Variants in GREB1 observed in about 807,000 individuals in gnomAD.
GREB1 encodes the protein growth regulating estrogen receptor binding 1, also known as protein GREB1.
Under a neutral mutation model 200.7 loss-of-function variants are expected in GREB1, and 106 were observed. The observed-to-expected ratio is 0.53, with a 90% confidence interval of 0.45 to 0.62. GREB1 has a LOEUF of 0.62. Among genes scored for constraint, GREB1 ranks in the 20% least tolerant of loss-of-function variants. GREB1 has a pLI of 0.00. For missense variants in GREB1, 2,243 were observed against 2,556.8 expected, an observed-to-expected ratio of 0.88 and a Z score of 2.65; for synonymous variants, 1,132 against 1,092.4, an observed-to-expected ratio of 1.04 and a Z score of -0.72.
chr2:11,553,892 T>C (rs6432213), intron 1 of GREB1, among the ~76,000 whole-genome samples: 37,875 of 151,980 alleles, frequency 0.25, 8,124 homozygotes, highest in African/African-American at 0.59. Flanking sequence ...TCAGAGGACA[T>C]GATTCTTCAG....
chr2:11,501,201 T>C (rs549525307), intron 1 of GREB1, among the ~76,000 whole-genome samples: 1 of 152,262 alleles, frequency 6.6e-6, no homozygotes, highest in Non-Finnish European at 1.5e-5. Flanking sequence ...TTTAATCAGC[T>C]GTGTTCCCTA....
chr2:11,538,650 T>C (rs1373763353), intron 1 of GREB1, among the ~76,000 whole-genome samples: 14 of 23,620 alleles, frequency 5.9e-4, no homozygotes, highest in East Asian at 2.3e-3. Flanking sequence ...TCTTTCTTTC[T>C]TTCTTTCTTT....
rs750310417 is a variant in GREB1, at chr2:11,621,002, A to G, written c.4142A>G (p.Asn1381Ser). 2.5e-6 allele frequency: 4 copies of G among 1,582,332 alleles called. No homozygotes were observed. The highest frequency in any genetic ancestry group is 3.5e-6 in the Non-Finnish European group (4 of 1,150,938). ...EVDVYDEEEI[N>S]INLREESDWH... Reference sequence around the variant, plus strand: ...GATGTCTATGACGAGGAGGAGATCAATATCAGTGAGTTATCTGTTTGGGGT... The same window carrying G: ...GATGTCTATGACGAGGAGGAGATCAGTATCAGTGAGTTATCTGTTTGGGGT... Residue 1381 changes from asparagine to serine, a missense_variant, in exon 23 of 33, where the codon AAT becomes AGT. Physicochemically the swap from Asn to Ser is conservative, Grantham distance 46 (BLOSUM62 1). This residue lies in a region of GREB1 where 587 missense variants were observed against 553.1 expected (regional missense o/e 1.06). Transcript: ENST00000381486.
intron 2 of GREB1, among the ~76,000 whole-genome samples, chr2:11,557,093 C>A (rs1428112579): frequency 6.6e-6 from 1 of 152,180 alleles, no homozygotes; most frequent in Non-Finnish European, 1.5e-5. Flanking sequence ...TTTTAACATG[C>A]TTTTGACCCT....
intron 1 of GREB1, among the ~76,000 whole-genome samples, chr2:11,520,002 G>A (rs1195419788): frequency 2.0e-5 from 3 of 152,034 alleles, no homozygotes; most frequent in East Asian, 3.9e-4. Flanking sequence ...GCCAGGCATG[G>A]TGCCTTGGGT....
intron 19 of GREB1, 151 bp from the exon 20 acceptor site, chr2:11,614,940 A>G (rs1159195151): frequency 4.7e-6 from 3 of 641,068 alleles, no homozygotes; most frequent in African/African-American, 1.8e-5. Flanking sequence ...GCAAGCTCCC[A>G]GTAACACTGT....
chr2:11,629,945 C>A lies in GREB1; in HGVS notation c.4450-3C>A. ...AAGCTCTGTCCTTTCCCCCACACCC[C>A]AGCTGTATGAGTCCACCCTGCACGC... On this transcript the variant is annotated splice_region_variant and splice_polypyrimidine_tract_variant and intron_variant, in intron 25 of 32. Coordinates refer to ENST00000381486, the MANE Select transcript of GREB1 (RefSeq NM_014668.4). The surrounding 1 kb of genome is among the most constrained non-coding windows in gnomAD (Gnocchi z 5.2). 6.2e-7 allele frequency: 1 copy of A among 1,613,832 alleles called. No individual in the cohort carries two copies. Among genetic ancestry groups the A allele is most frequent in the Non-Finnish European group, 8.5e-7 (1 of 1,179,832 alleles).
Position 11,492,822 on chromosome 2 carries a change from G to A in GREB1, c.-159+10441G>A, listed in dbSNP as rs145556059. Among the ~76,000 whole-genome samples the A allele has an allele frequency of 7.1e-3, 1,085 of 152,336 alleles. 3 individuals are homozygous for A. The highest frequency in any genetic ancestry group is 0.012 in the Admixed American group (178 of 15,306). On this transcript the variant is annotated intron_variant, in intron 1 of 2. Coordinates refer to the GREB1 transcript ENST00000628795. This position sits in a 1 kb window ranked among gnomAD's most constrained non-coding sequence, Gnocchi z 4.0. Reference sequence around the variant, plus strand: ...TGTGGGGCCAGCAAGAGTCTCCAAGGCAGTTGTGCCAGGCAGTACCCACAG... The same window carrying A: ...TGTGGGGCCAGCAAGAGTCTCCAAGACAGTTGTGCCAGGCAGTACCCACAG...
intron 1 of GREB1, among the ~76,000 whole-genome samples, chr2:11,504,278 A>G (rs1251527216): frequency 1.3e-5 from 2 of 152,196 alleles, no homozygotes; most frequent in African/African-American, 4.8e-5. Flanking sequence ...TAAGAATGGC[A>G]TGCAATTTAA....
At chr2:11,596,686 GGGGGTGGGGCAC>G (rs1681273499) in intron 13 of GREB1, among the ~76,000 whole-genome samples, 1 of 125,154 alleles carries the variant, frequency 8.0e-6, no homozygotes, top group Non-Finnish European at 1.7e-5. Flanking sequence ...TGTACAGTGA[GGGGGTGGGGCAC>G]AGGTGTGTAC....
At chr2:11,621,446 G>T (rs1287026023) in intron 23 of GREB1, among the ~76,000 whole-genome samples, 1 of 152,224 alleles carries the variant, frequency 6.6e-6, no homozygotes, top group African/African-American at 2.4e-5. Flanking sequence ...AGGCAGCTGA[G>T]CAGGGAGGTC....
At position 11,640,332 on chromosome 2, in the gene GREB1, C is replaced by T; in HGVS notation, c.5728C>T (p.Arg1910Cys). 3.7e-6 allele frequency: 6 copies of T among 1,614,092 alleles called. No individual in the cohort carries two copies. Among genetic ancestry groups the T allele is most frequent in the Non-Finnish European group, 5.1e-6 (6 of 1,180,020 alleles). ...CVICQDRSSL[R>C]QTVVRLELED... ...CATCTGTCAGGACCGGAGCTCACTG[C>T]GCCAGACGGTCGTCCGCCTGGAGCT... Residue 1910 changes from arginine to cysteine, a missense_variant, in exon 33 of 33, where the codon CGC becomes TGC. This residue lies in a region of GREB1 where 478 missense variants were observed against 616.3 expected (regional missense o/e 0.78). Coordinates refer to ENST00000381486, the MANE Select transcript of GREB1 (RefSeq NM_014668.4). The surrounding 1 kb of genome is among the most constrained non-coding windows in gnomAD (Gnocchi z 4.6).
chr2:11,592,644 C>T (rs759138278), intron 10 of GREB1, 132 bp from the exon 11 acceptor site: 3 of 565,546 alleles, frequency 5.3e-6, no homozygotes, highest in Non-Finnish European at 8.8e-6. Flanking sequence ...TATGCCCTCC[C>T]CTCGTGCTCC....
At chr2:11,489,751 C>T (rs1672738216) in intron 1 of GREB1, among the ~76,000 whole-genome samples, 1 of 152,004 alleles carries the variant, frequency 6.6e-6, no homozygotes, top group Non-Finnish European at 1.5e-5. Context: ...TTATAGCCAC[C>T]ACTTCTTGAC....
chr2:11,483,271 CGT>C (rs201669714), intron 1 of GREB1, among the ~76,000 whole-genome samples: 25 of 141,806 alleles, frequency 1.8e-4, no homozygotes, highest in East Asian at 1.0e-3. Context: ...CACGTGTGTG[CGT>C]GTGTGAGTGC....
At chr2:11,500,759 C>G (rs772768345) in intron 1 of GREB1, among the ~76,000 whole-genome samples, 1 of 152,220 alleles carries the variant, frequency 6.6e-6, no homozygotes, top group Non-Finnish European at 1.5e-5. Flanking sequence ...CAGAGCTTTA[C>G]TCAGTTTTCA....
At position 11,630,004 on chromosome 2, in the gene GREB1, G is replaced by A; in HGVS notation, c.4506G>A (p.Glu1502=). 1 of 1,614,204 alleles carries A rather than the reference G, an allele frequency of 6.2e-7. No individual in the cohort carries two copies. The highest frequency in any genetic ancestry group is 8.5e-7 in the Non-Finnish European group (1 of 1,180,018). Residue 1502 remains glutamate (E), a synonymous_variant, in exon 26 of 33, where the codon GAG becomes GAA. Coordinates refer to ENST00000381486, the MANE Select transcript of GREB1 (RefSeq NM_014668.4). ...TCTCTTACTCCATGCTAGGAGAGGAGATCCAGCTGCACTTCATCATCCCCA... is the reference window on the plus strand; with the variant it reads ...TCTCTTACTCCATGCTAGGAGAGGAAATCCAGCTGCACTTCATCATCCCCA... ...FAFSYSMLGE[E]IQLHFIIPKS...
chr2:11,500,659 G>T (rs1261558308), intron 1 of GREB1, among the ~76,000 whole-genome samples: 1 of 152,194 alleles, frequency 6.6e-6, no homozygotes, highest in Non-Finnish European at 1.5e-5. Context: ...TTACCTACTT[G>T]ATTTACAGGA....
rs570864094 is a variant in GREB1 at position 11,634,704 on chromosome 2, G to C, written c.5210+355G>C. The stretch of plus-strand genomic sequence containing the variant: ...TCGCAGAAGTGCTCACATCTCCAGA[G>C]GATTCAATTGCTCAGTGTTCACGGA... On this transcript the variant is annotated intron_variant, in intron 29 of 32. Transcript: ENST00000381486. Among the ~76,000 whole-genome samples, 6 of 152,294 alleles carry C rather than the reference G, an allele frequency of 3.9e-5. No homozygotes were observed. The South Asian group carries it at 1.2e-3, about 32-fold the overall frequency.
Sources: gnomAD v4.1 joint callset for allele counts (sites outside exome capture counted in the v4.1 genomes callset) on GRCh38, gnomAD v4.1.1 for gene constraint, gnomAD v4.1.1 regional missense constraint, Gnocchi (gnomAD v3.1) non-coding constraint, MANE v1.5 for transcripts, NCBI Gene and HGNC (gene_info 2026-07-23, HGNC 2026-07-21) for gene names.